Variants in SSBP3 observed in about 807,000 individuals in gnomAD.
The protein encoded by SSBP3 is single-stranded DNA-binding protein 3.
A neutral mutation model predicts 69.6 loss-of-function variants in SSBP3; 5 were observed. That is an observed-to-expected ratio of 0.07 (90% CI 0.04 to 0.15). SSBP3 has a LOEUF of 0.15. Ranked by LOEUF, SSBP3 falls within the 10% of genes least tolerant of loss-of-function variation. The pLI is 1.00. For synonymous variants in SSBP3, 196 were observed against 193.4 expected (o/e 1.01, Z -0.11); for missense variants, 312 against 534.0 (o/e 0.58, Z 4.10).
chr1:54,311,460 C>T (rs1455040522), intron 4 of SSBP3, among the ~76,000 whole-genome samples: 2 of 152,286 alleles, frequency 1.3e-5, no homozygotes, highest in Middle Eastern at 3.4e-3. Flanking sequence ...ACTTGCAGGA[C>T]CTGTCGTGAG....
intron 4 of SSBP3, among the ~76,000 whole-genome samples, chr1:54,338,062 G>T (rs1049873743): frequency 1.3e-5 from 2 of 152,206 alleles, no homozygotes; most frequent in African/African-American, 4.8e-5. Context: ...ATGACATCAT[G>T]TGTGTATATT....
chr1:54,246,219 A>C (rs1048399846), intron 9 of SSBP3, among the ~76,000 whole-genome samples: 3 of 152,222 alleles, frequency 2.0e-5, no homozygotes, highest in African/African-American at 4.8e-5. Context: ...GCAGCAGAAC[A>C]AACACCAAAG....
intron 5 of SSBP3, among the ~76,000 whole-genome samples, chr1:54,273,372 T>A (rs888550414): frequency 6.6e-6 from 1 of 152,088 alleles, no homozygotes; most frequent in African/African-American, 2.4e-5. Context: ...GGGCCACAAC[T>A]TTTTTTCCTA....
intron 14 of SSBP3, among the ~76,000 whole-genome samples, chr1:54,229,703 C>G (rs897450198): frequency 2.6e-5 from 4 of 152,208 alleles, no homozygotes; most frequent in Non-Finnish European, 5.9e-5. Context: ...TGAGCCCAGC[C>G]TGGAGCGCCA....
intron 8 of SSBP3, 33 bp from the exon 9 acceptor site, chr1:54,251,725 C>T (rs755805634): frequency 3.5e-5 from 56 of 1,582,966 alleles, no homozygotes; most frequent in South Asian, 1.9e-4. Flanking sequence ...CATGGGATGG[C>T]AGGAGTGGAG....
intron 9 of SSBP3, among the ~76,000 whole-genome samples, chr1:54,245,705 C>A (rs1027124997): frequency 6.6e-6 from 1 of 152,226 alleles, no homozygotes; most frequent in Non-Finnish European, 1.5e-5. Context: ...AGGGCATGGG[C>A]TTCAAGCAAA....
intron 4 of SSBP3, among the ~76,000 whole-genome samples, chr1:54,371,471 G>C (rs1282701076): frequency 1.3e-5 from 2 of 152,208 alleles, no homozygotes; most frequent in Non-Finnish European, 2.9e-5. Context: ...GGGAGTGCCT[G>C]CTGGGGCCTT....
chr1:54,290,427 C>T (rs914084880), intron 4 of SSBP3, among the ~76,000 whole-genome samples: 3 of 152,246 alleles, frequency 2.0e-5, no homozygotes, highest in Admixed American at 2.0e-4. Flanking sequence ...CTAAGATTCC[C>T]TGACCACAGC....
At chr1:54,376,364 C>T (rs891161041) in intron 4 of SSBP3, among the ~76,000 whole-genome samples, 9 of 152,210 alleles carry the variant, frequency 5.9e-5, no homozygotes, top group African/African-American at 2.2e-4. Context: ...GCCTCTAAAC[C>T]CACTACCCAT....
At chr1:54,385,529 G>A (rs1454580888) in intron 4 of SSBP3, among the ~76,000 whole-genome samples, 2 of 151,922 alleles carry the variant, frequency 1.3e-5, no homozygotes, top group Non-Finnish European at 2.9e-5. Flanking sequence ...CTTTAACCTT[G>A]GCTATGGATC....
intron 4 of SSBP3, among the ~76,000 whole-genome samples, chr1:54,291,121 T>C (rs540949419): frequency 1.3e-5 from 2 of 152,082 alleles, no homozygotes; most frequent in East Asian, 3.9e-4. Flanking sequence ...AGGACCGAGG[T>C]GTGCAGAGAA....
chr1:54,375,336 CTGCATGCATGCA>C (rs537753571), intron 4 of SSBP3, among the ~76,000 whole-genome samples: 1 of 125,716 alleles, frequency 8.0e-6, no homozygotes, highest in Non-Finnish European at 1.6e-5. Flanking sequence ...GGGGATCACA[CTGCATGCATGCA>C]TGCATGCATG....
chr1:54,309,613 A>G (rs1261681903), intron 4 of SSBP3, among the ~76,000 whole-genome samples: 1 of 152,146 alleles, frequency 6.6e-6, no homozygotes, highest in African/African-American at 2.4e-5. Context: ...TGTGCCACTC[A>G]CTTGTTCCTG....
chr1:54,250,633 A>T (rs1644811879), intron 9 of SSBP3, among the ~76,000 whole-genome samples: 1 of 152,220 alleles, frequency 6.6e-6, no homozygotes, highest in Non-Finnish European at 1.5e-5. Flanking sequence ...GGGAGTGACC[A>T]GTGCAGCAGA....
chr1:54,300,955 A>G (rs1237321705), intron 4 of SSBP3, among the ~76,000 whole-genome samples: 1 of 152,220 alleles, frequency 6.6e-6, no homozygotes, highest in Non-Finnish European at 1.5e-5. Context: ...CCAACATCCC[A>G]AATGCTCTGT....
At chr1:54,381,382 C>CAAAAAAAAAAAAAAAAAAAA (rs59809996) in intron 4 of SSBP3, among the ~76,000 whole-genome samples, 1 of 69,458 alleles carries the variant, frequency 1.4e-5, no homozygotes, top group African/African-American at 4.2e-5. Flanking sequence ...TACACCATCT[C>CAAAAAAAAAAAAAAAAAAAA]AAAAAAAAAA....
At chr1:54,402,075 T>A (rs1321967398) in intron 3 of SSBP3, 130 bp from the exon 4 acceptor site, 3 of 705,878 alleles carry the variant, frequency 4.3e-6, no homozygotes, top group South Asian at 2.1e-5. Flanking sequence ...TCAGCTCTCA[T>A]TGGGCAAACA....
At chr1:54,267,014 A>T (rs1376195573) in intron 5 of SSBP3, among the ~76,000 whole-genome samples, 1 of 152,208 alleles carries the variant, frequency 6.6e-6, no homozygotes, top group African/African-American at 2.4e-5. Flanking sequence ...GCCAGCACAA[A>T]TATTCTGGGA....
intron 5 of SSBP3, among the ~76,000 whole-genome samples, chr1:54,274,550 A>G (rs1365556773): frequency 6.6e-6 from 1 of 151,940 alleles, no homozygotes; most frequent in East Asian, 1.9e-4. Context: ...CCTGCCCCCA[A>G]CCTATGTGGG....
Sources: allele counts gnomAD v4.1 joint callset (sites outside exome capture counted in the v4.1 genomes callset), GRCh38; gene constraint gnomAD v4.1.1; transcripts MANE v1.5; gene names NCBI Gene and HGNC (gene_info 2026-07-23, HGNC 2026-07-21).